The following FAM184A variants were observed in gnomAD, a reference collection of about 807,000 sequenced individuals.
FAM184A encodes protein FAM184A.
FAM184A carries 99 observed loss-of-function variants against 143.8 expected under a neutral mutation model. The observed-to-expected ratio is 0.69, with a 90% CI of 0.58 to 0.81. The LOEUF (loss-of-function observed/expected upper bound fraction) is 0.81, where lower values mean the gene tolerates loss of function less well. Ranked by LOEUF, FAM184A falls within the 40% of genes least tolerant of loss-of-function variation. The pLI is 0.00. For synonymous variants in FAM184A, 427 were observed against 446.4 expected, an observed-to-expected ratio of 0.96 and a Z score of 0.55; for missense variants, 1,217 against 1,310.5, an observed-to-expected ratio of 0.93 and a Z score of 1.10.
chr6:119,071,860 CTTTT>C (rs35786966), intron 1 of FAM184A, among the ~76,000 whole-genome samples: 3 of 94,168 alleles, frequency 3.2e-5, no homozygotes, highest in Admixed American at 1.4e-4. Context: ...AACCTTTAAT[CTTTT>C]TTTTTTTTTT....
At chr6:118,962,034 G>A in intron 16 of FAM184A, 71 bp from the exon 17 acceptor site, 1 of 1,501,346 alleles carries the variant, frequency 6.7e-7, no homozygotes, top group Non-Finnish European at 9.2e-7. Flanking sequence ...AATGGTAGAA[G>A]ATAGAAATTT....
In FAM184A at chr6:119,078,124, G is replaced by A; in HGVS notation, c.159+17C>T. 1.3e-6 allele frequency: 2 copies of A among 1,572,670 alleles called. No homozygotes were observed. The highest frequency in any genetic ancestry group is 1.7e-6 in the Non-Finnish European group (2 of 1,162,740). On this transcript the variant is annotated intron_variant, in intron 1 of 17. Coordinates refer to ENST00000338891, the MANE Select transcript of FAM184A (RefSeq NM_024581.6). The surrounding 1 kb of genome is among the most constrained non-coding windows in gnomAD (Gnocchi z 5.5). ...CCCGCACGGGGTCGCCACCTGCCCC[G>A]TCGCTGCCCCCCTTACCTTGGTGAG... is the stretch of plus-strand genomic sequence containing the variant.
intron 1 of FAM184A, chr6:119,069,001 A>T: frequency 5.5e-6 from 2 of 360,696 alleles, no homozygotes; most frequent in Non-Finnish European, 1.2e-5. Flanking sequence ...TATATGATTA[A>T]TATATTCCAG....
At chr6:119,144,167 A>AAC (rs1334143390) in intron 1 of FAM184A, among the ~76,000 whole-genome samples, 1 of 14,576 alleles carries the variant, frequency 6.9e-5, no homozygotes, top group Non-Finnish European at 1.3e-4. Flanking sequence ...CTCTACTAAA[A>AAC]ATACAAAAAA....
At chr6:119,133,245 A>G (rs1789582246) in intron 1 of FAM184A, among the ~76,000 whole-genome samples, 1 of 152,158 alleles carries the variant, frequency 6.6e-6, no homozygotes, top group African/African-American at 2.4e-5. Context: ...CTCAGTTCCT[A>G]TATAGGCTTT....
At chr6:119,022,851 T>A (rs1181233701) in intron 3 of FAM184A, 94 bp downstream of exon 3, 12 of 1,492,696 alleles carry the variant, frequency 8.0e-6, no homozygotes, top group African/African-American at 1.4e-5. Context: ...CACTCCCGTC[T>A]GGGCGACAGA....
intron 9 of FAM184A, among the ~76,000 whole-genome samples, chr6:118,984,179 T>TTATA (rs1306032627): frequency 1.5e-5 from 2 of 134,458 alleles, no homozygotes; most frequent in Admixed American, 1.5e-4. Flanking sequence ...ATATATATAT[T>TTATA]TATATATATA....
At chr6:119,144,730 T>A (rs1772365885) in intron 1 of FAM184A, among the ~76,000 whole-genome samples, 2 of 152,234 alleles carry the variant, frequency 1.3e-5, no homozygotes, top group African/African-American at 4.8e-5. Flanking sequence ...AGCATGCTGC[T>A]TAGTAGCAGA....
chr6:119,011,040 A>G, intron 6 of FAM184A: 1 of 283,572 alleles, frequency 3.5e-6, no homozygotes, highest in South Asian at 6.2e-5. Flanking sequence ...AAGGGTAGAG[A>G]ACTCTCTCTT....
At chr6:118,964,512 C>A (rs1013192070) in intron 16 of FAM184A, among the ~76,000 whole-genome samples, 155 bp downstream of exon 16, 1 of 151,756 alleles carries the variant, frequency 6.6e-6, no homozygotes, top group Non-Finnish European at 1.5e-5. Flanking sequence ...TTAAAATGAA[C>A]ATATAAATAA....
chr6:119,091,012 C>A (rs1327438930), intron 1 of FAM184A, among the ~76,000 whole-genome samples: 2 of 152,120 alleles, frequency 1.3e-5, no homozygotes, highest in Non-Finnish European at 2.9e-5. Flanking sequence ...GGATCAATTA[C>A]CTTGCCAGTA....
intron 1 of FAM184A, among the ~76,000 whole-genome samples, chr6:119,069,354 G>A (rs778560737): frequency 1.1e-4 from 17 of 152,004 alleles, no homozygotes; most frequent in Non-Finnish European, 2.5e-4. Flanking sequence ...TCTAAAGGTA[G>A]GCAAAGAATA....
chr6:119,014,136 T>C (rs553047438), intron 5 of FAM184A, among the ~76,000 whole-genome samples: 81 of 152,348 alleles, frequency 5.3e-4, no homozygotes, highest in African/African-American at 1.9e-3. Flanking sequence ...TGTAGAGAAA[T>C]CAAACCAAAG....
At chr6:119,045,630 C>T (rs607092) in intron 1 of FAM184A, among the ~76,000 whole-genome samples, 5,276 of 152,128 alleles carry the variant, frequency 0.035, 351 homozygotes, top group African/African-American at 0.12. Flanking sequence ...ACAAAAATGG[C>T]GAGACCAGAC....
At chr6:118,966,313 AGT>A (rs1783499545) in intron 15 of FAM184A, among the ~76,000 whole-genome samples, 1 of 152,210 alleles carries the variant, frequency 6.6e-6, no homozygotes, top group Non-Finnish European at 1.5e-5. Flanking sequence ...AGAGAACCTC[AGT>A]GTTACTGACC....
chr6:119,034,949 G>A (rs1325990205), intron 1 of FAM184A, among the ~76,000 whole-genome samples: 3 of 152,174 alleles, frequency 2.0e-5, no homozygotes, highest in African/African-American at 2.4e-5. Context: ...ACAAACCAAC[G>A]TACTCCTGTG....
At chr6:118,987,731 A>T (rs1028597886) in intron 9 of FAM184A, among the ~76,000 whole-genome samples, 8 of 152,160 alleles carry the variant, frequency 5.3e-5, no homozygotes, top group Non-Finnish European at 1.0e-4. Flanking sequence ...CAACAAAAAA[A>T]TTTTACATTT....
intron 14 of FAM184A, among the ~76,000 whole-genome samples, chr6:118,970,008 A>ATATATATATAT: frequency 1.0e-4 from 2 of 19,048 alleles, no homozygotes; most frequent in Admixed American, 1.5e-3. Context: ...ATATATATAT[A>ATATATATATAT]TTTTTTTTTT....
At chr6:118,964,525 C>CG in intron 16 of FAM184A, 142 bp downstream of exon 16, 1 of 452,462 alleles carries the variant, frequency 2.2e-6, no homozygotes, top group Non-Finnish European at 4.0e-6. Flanking sequence ...ATAAATAATT[C>CG]ATAAGTTTTA....
Sources: gnomAD v4.1 joint callset for allele counts (sites outside exome capture counted in the v4.1 genomes callset) on GRCh38, gnomAD v4.1.1 for gene constraint, Gnocchi (gnomAD v3.1) non-coding constraint, MANE v1.5 for transcripts, NCBI Gene and HGNC (gene_info 2026-07-23, HGNC 2026-07-21) for gene names.